Variants in PATZ1 observed in about 807,000 individuals in gnomAD.
The protein encoded by PATZ1 is POZ/BTB and AT hook containing zinc finger 1.
Under a neutral mutation model 46.2 loss-of-function variants are expected in PATZ1, and 9 were observed. The ratio of observed to expected loss-of-function variants is 0.19; its 90% CI spans 0.12 to 0.34. The LOEUF is 0.34. Among genes scored for constraint, PATZ1 ranks in the 10% least tolerant of loss-of-function variants. The pLI, the probability that PATZ1 is intolerant of heterozygous loss-of-function variation, is 1.00. For synonymous variants in PATZ1, 426 were observed against 378.6 expected (o/e 1.13, Z -1.45); for missense variants, 632 against 923.0 (o/e 0.68, Z 4.08).
intron 2 of PATZ1, chr22:31,341,763 C>G (rs1234741086): frequency 2.4e-6 from 3 of 1,267,124 alleles, no homozygotes; most frequent in African/African-American, 3.0e-5. Flanking sequence ...TCCTCCTACT[C>G]TGCCCGGGCT....
At chr22:31,330,182 A>C (rs1023746699) in intron 3 of PATZ1, among the ~76,000 whole-genome samples, 8 of 152,160 alleles carry the variant, frequency 5.3e-5, no homozygotes, top group African/African-American at 1.7e-4. Flanking sequence ...ATAAAGGTTC[A>C]CCTTTAGGAA....
chr22:31,335,305 C>T (rs2049494778), intron 3 of PATZ1: 1 of 170,006 alleles, frequency 5.9e-6, no homozygotes, highest in African/African-American at 2.4e-5. Context: ...CAAAAGCTCT[C>T]AAGCCGGACC....
intron 2 of PATZ1, among the ~76,000 whole-genome samples, chr22:31,337,329 G>A (rs2049523771): frequency 6.6e-6 from 1 of 152,290 alleles, no homozygotes; most frequent in South Asian, 2.1e-4. Context: ...GAAAGCTGTG[G>A]TGTGAGCTGA....
intron 1 of PATZ1, chr22:31,343,727 C>T (rs2049611605): frequency 6.6e-6 from 1 of 152,650 alleles, no homozygotes. Context: ...CATAAAGGGG[C>T]TCGTGGGTCC....
chr22:31,335,924 C>A (rs780569834), intron 2 of PATZ1, 61 bp from the exon 3 acceptor site: 9 of 1,492,806 alleles, frequency 6.0e-6, no homozygotes, highest in Non-Finnish European at 8.3e-6. Flanking sequence ...TGACTCCCCA[C>A]CAAGTGCACC....
At position 31,345,922 on chromosome 22, in the gene PATZ1, T is replaced by A; in HGVS notation, c.-320A>T. 1.0e-5 allele frequency: 3 copies of A among 298,256 alleles called. No individual in the cohort carries two copies. The highest frequency in any genetic ancestry group is 4.3e-5 in the African/African-American group (2 of 46,640). 18.5% of individuals were successfully genotyped at this position (298,256 alleles called of 1,614,324 possible). Reference sequence around the variant, plus strand: ...CGCGAGCGAAGAGGTGCGCCCCTCCTGCAAACGCGCCTGCCACCTCCCCTC... The same window carrying A: ...CGCGAGCGAAGAGGTGCGCCCCTCCAGCAAACGCGCCTGCCACCTCCCCTC... On this transcript the variant is annotated 5_prime_UTR_variant, in exon 1 of 5. Coordinates refer to ENST00000266269, the MANE Select transcript of PATZ1 (RefSeq NM_014323.3). The surrounding 1 kb of genome is among the most constrained non-coding windows in gnomAD (Gnocchi z 7.4).
chr22:31,341,072 G>A, intron 2 of PATZ1: 1 of 1,096,922 alleles, frequency 9.1e-7, no homozygotes, highest in Non-Finnish European at 1.1e-6. Flanking sequence ...GCCAGGGGAA[G>A]GGAAGCAGAT....
chr22:31,335,917 C>T, intron 2 of PATZ1, 54 bp from the exon 3 acceptor site: 2 of 1,535,548 alleles, frequency 1.3e-6, no homozygotes, highest in South Asian at 2.3e-5. Context: ...CCACACCTGA[C>T]TCCCCACCAA....
intron 2 of PATZ1, among the ~76,000 whole-genome samples, chr22:31,336,483 TAGCAGAC>T (rs2049510680): frequency 2.0e-5 from 3 of 152,050 alleles, no homozygotes; most frequent in African/African-American, 7.2e-5. Context: ...ACATGAGAAT[TAGCAGAC>T]AGCAAGGGCC....
rs202045020 is a variant in PATZ1 at position 31,327,191 on chromosome 22, G to A, written c.1764C>T (p.Cys588=). The A allele has an allele frequency of 3.3e-5, 54 of 1,614,082 alleles. No individual in the cohort carries two copies. Among genetic ancestry groups the A allele is most frequent in the East Asian group, 1.8e-4 (8 of 44,902 alleles). The stretch of plus-strand genomic sequence containing the variant: ...TTTTGTTTTTGGGGACTGCCATGTC[G>A]CAGGAGAAAGAGCCATTGGCACTCT... ...EKQSANGSFS[C]DMAVPKNKME... is the part of the protein sequence containing the mutation. The change falls in exon 5 of 5, where the codon TGC becomes TGT. Residue 588 remains cysteine (C), a synonymous_variant. Transcript: ENST00000266269. The surrounding 1 kb of genome is among the most constrained non-coding windows in gnomAD (Gnocchi z 4.2).
chr22:31,343,412 T>A, intron 1 of PATZ1: 1 of 988,664 alleles, frequency 1.0e-6, no homozygotes, highest in Non-Finnish European at 1.2e-6. Flanking sequence ...CGGATGGAAT[T>A]CAGTCCCCAG....
intron 1 of PATZ1, 155 bp from the exon 2 acceptor site, chr22:31,343,115 A>T (rs1388409347): frequency 1.4e-6 from 2 of 1,417,534 alleles, no homozygotes; most frequent in Non-Finnish European, 1.9e-6. Context: ...GTCACCACCC[A>T]GTTCTGGCTC....
At chr22:31,336,612 C>T (rs1372169534) in intron 2 of PATZ1, among the ~76,000 whole-genome samples, 1 of 151,566 alleles carries the variant, frequency 6.6e-6, no homozygotes, top group Non-Finnish European at 1.5e-5. Context: ...CAAGACCAGC[C>T]TGGCCAACAT....
Position 31,344,914 on chromosome 22 carries a change from G to A in PATZ1, c.689C>T (p.Pro230Leu), listed in dbSNP as rs1362004321. 1.9e-6 allele frequency: 3 copies of A among 1,613,480 alleles called. No homozygotes were observed. Among genetic ancestry groups the A allele is most frequent in the Non-Finnish European group, 2.5e-6 (3 of 1,180,020 alleles). ...CACCATGGGCAAGCGGTCCACCCCA[G>A]GTAACACAGGCAAAGAGGCTTGGCC... ...IAGQASLPVLPGVDRLPMVAG... is the reference protein window; with the variant it reads ...IAGQASLPVLLGVDRLPMVAG... Residue 230 changes from proline to leucine, a missense_variant, in exon 1 of 5, where the codon CCT becomes CTT. Coordinates refer to ENST00000266269, the MANE Select transcript of PATZ1 (RefSeq NM_014323.3).
intron 2 of PATZ1, chr22:31,341,136 G>A (rs2049575108): frequency 1.7e-6 from 2 of 1,179,182 alleles, no homozygotes; most frequent in African/African-American, 1.6e-5. Context: ...ACCTAGGCAA[G>A]GACAGATGCC....
intron 2 of PATZ1, chr22:31,341,535 G>A (rs997843387): frequency 1.1e-5 from 18 of 1,613,972 alleles, no homozygotes; most frequent in Admixed American, 3.3e-5. Context: ...TTCAAGGGCT[G>A]GGAATGATTT....
At chr22:31,341,094 T>G in intron 2 of PATZ1, 1 of 1,113,786 alleles carries the variant, frequency 9.0e-7, no homozygotes, top group Non-Finnish European at 1.1e-6. Flanking sequence ...AGCTGGTGGC[T>G]AGTTCCCAGG....
In PATZ1 at chr22:31,345,435, G is replaced by C. The variant is rs536268809; in HGVS notation, c.168C>G (p.Arg56=). 2 of 1,612,556 alleles carry C rather than the reference G, an allele frequency of 1.2e-6. No homozygotes were observed. The highest frequency in any genetic ancestry group is 2.2e-5 in the East Asian group (1 of 44,852). The change falls in exon 1 of 5, where the codon CGC becomes CGG. Residue 56 remains arginine (R), a synonymous_variant. Transcript: ENST00000266269. The surrounding 1 kb of genome is among the most constrained non-coding windows in gnomAD (Gnocchi z 7.4). The part of the protein sequence containing the change: ...RVGDESFPAH[R]AVLAACSEYF... Reference sequence around the variant, plus strand: ...ACTCGCTGCAGGCGGCCAGCACGGCGCGGTGCGCTGGGAAGCTCTCGTCGC... The same window carrying C: ...ACTCGCTGCAGGCGGCCAGCACGGCCCGGTGCGCTGGGAAGCTCTCGTCGC...
At chr22:31,343,223 C>A in intron 1 of PATZ1, 1 of 1,225,692 alleles carries the variant, frequency 8.2e-7, no homozygotes, top group Non-Finnish European at 1.0e-6. Context: ...CAATTCTCCC[C>A]ACCAGAAACT....
Sources: allele counts gnomAD v4.1 joint callset (sites outside exome capture counted in the v4.1 genomes callset), GRCh38; gene constraint gnomAD v4.1.1; non-coding constraint Gnocchi (gnomAD v3.1); transcripts MANE v1.5; gene names NCBI Gene and HGNC (gene_info 2026-07-23, HGNC 2026-07-21).